Variants in GRM5 observed in about 807,000 individuals in gnomAD.
GRM5 encodes glutamate metabotropic receptor 5.
Under a neutral mutation model 83.1 loss-of-function variants are expected in GRM5, and 19 were observed. That is an observed-to-expected ratio of 0.23 (90% CI 0.16 to 0.34). GRM5 has a LOEUF of 0.34. GRM5 is among the 10% of genes least tolerant of loss of function. The probability of loss-of-function intolerance (pLI) is 1.00; values close to 1 mark genes in which losing one functional copy is unlikely to be tolerated. For synonymous variants in GRM5, 675 were observed against 633.6 expected (o/e 1.07, Z -0.98); for missense variants, 1,160 against 1,588.3 (o/e 0.73, Z 4.58).
At position 88,962,200 on chromosome 11, in the gene GRM5, T is replaced by C. The variant is rs145569229; in HGVS notation, c.661+85012A>G. 1.3e-4 allele frequency among the ~76,000 whole-genome samples: 20 copies of C among 152,318 alleles called. 1 individual carries two copies. Among genetic ancestry groups the C allele is most frequent in the Admixed American group, 9.8e-4 (15 of 15,302 alleles). On this transcript the variant is annotated intron_variant, in intron 2 of 9. Transcript: ENST00000305447. ...CAGTTATATATGTATGTAGGATCCA[T>C]TCGCCATGCACTCACCAATACACTT...
At chr11:88,594,930 T>C (rs373426150) in intron 6 of GRM5, among the ~76,000 whole-genome samples, 4 of 152,212 alleles carry the variant, frequency 2.6e-5, no homozygotes, top group African/African-American at 7.2e-5. Flanking sequence ...CCTTACGGCA[T>C]TGCATACCAA....
At chr11:88,806,905 A>G (rs1347265146) in intron 3 of GRM5, among the ~76,000 whole-genome samples, 1 of 152,208 alleles carries the variant, frequency 6.6e-6, no homozygotes, top group East Asian at 1.9e-4. Flanking sequence ...ACTGTAAGAT[A>G]TTGCTTAAAT....
intron 4 of GRM5, among the ~76,000 whole-genome samples, chr11:88,618,164 T>C (rs1048643349): frequency 2.6e-5 from 4 of 152,126 alleles, no homozygotes; most frequent in African/African-American, 7.2e-5. Flanking sequence ...AGAAGGTAAG[T>C]GGGAACTTAC....
At chr11:88,555,353 ATAG>A (rs1197831190) in intron 8 of GRM5, among the ~76,000 whole-genome samples, 1 of 152,122 alleles carries the variant, frequency 6.6e-6, no homozygotes, top group Non-Finnish European at 1.5e-5. Context: ...ACCCCATAAA[ATAG>A]TAGTACGCAA....
At chr11:88,657,359 C>G (rs1251114131) in intron 3 of GRM5, among the ~76,000 whole-genome samples, 2 of 152,124 alleles carry the variant, frequency 1.3e-5, no homozygotes, top group Non-Finnish European at 2.9e-5. Flanking sequence ...CTTTCTTTGG[C>G]TGTGGAATCA....
chr11:89,036,403 T>C (rs1465217877), intron 2 of GRM5, among the ~76,000 whole-genome samples: 1 of 152,160 alleles, frequency 6.6e-6, no homozygotes, highest in Non-Finnish European at 1.5e-5. Context: ...TTGTCAATTA[T>C]AACTGGGCAA....
intron 2 of GRM5, among the ~76,000 whole-genome samples, chr11:88,924,143 A>AAAAT (rs1555042222): frequency 1.3e-5 from 2 of 151,648 alleles, no homozygotes; most frequent in African/African-American, 4.8e-5. Context: ...TCAAAAAAAA[A>AAAAT]AAATAAGAAA....
At chr11:88,734,524 T>C (rs1272260828) in intron 3 of GRM5, among the ~76,000 whole-genome samples, 1 of 152,078 alleles carries the variant, frequency 6.6e-6, no homozygotes, top group Non-Finnish European at 1.5e-5. Context: ...TTATTCACTA[T>C]AGCCAATTAT....
chr11:88,774,430 A>G (rs1466999600), intron 3 of GRM5, among the ~76,000 whole-genome samples: 1 of 152,196 alleles, frequency 6.6e-6, no homozygotes, highest in Non-Finnish European at 1.5e-5. Flanking sequence ...TCCTAATTGA[A>G]TACCCTTTAT....
intron 2 of GRM5, among the ~76,000 whole-genome samples, chr11:88,999,989 C>CA (rs1323429689): frequency 4.0e-5 from 6 of 151,660 alleles, no homozygotes; most frequent in Non-Finnish European, 8.8e-5. Flanking sequence ...ATCGCAAGGA[C>CA]AAAAAACCAA....
intron 3 of GRM5, among the ~76,000 whole-genome samples, chr11:88,773,721 T>C (rs1942787764): frequency 6.6e-6 from 1 of 152,236 alleles, no homozygotes; most frequent in African/African-American, 2.4e-5. Flanking sequence ...CCTTTCCCCA[T>C]TTCTTGTTTT....
chr11:88,727,703 C>T (rs540912313), intron 3 of GRM5, among the ~76,000 whole-genome samples: 9 of 151,472 alleles, frequency 5.9e-5, no homozygotes, highest in Admixed American at 4.6e-4. Context: ...GACCACAGTG[C>T]ATTAGAACTC....
At chr11:88,514,238 A>G (rs962948195) in intron 9 of GRM5, among the ~76,000 whole-genome samples, 2 of 152,172 alleles carry the variant, frequency 1.3e-5, no homozygotes, top group Non-Finnish European at 2.9e-5. Context: ...TTTATTTCTG[A>G]AAAACAAAAA....
intron 8 of GRM5, among the ~76,000 whole-genome samples, chr11:88,537,347 C>T (rs2135126070): frequency 6.6e-6 from 1 of 152,016 alleles, no homozygotes; most frequent in Admixed American, 6.5e-5. Context: ...AGAAATACAC[C>T]AAAAATCTGA....
chr11:88,738,749 G>T (rs1170591089), intron 3 of GRM5, among the ~76,000 whole-genome samples: 2 of 151,910 alleles, frequency 1.3e-5, no homozygotes, highest in Non-Finnish European at 2.9e-5. Flanking sequence ...GGCTTCTTAC[G>T]GACTACTGAA....
chr11:88,850,449 A>G lies in GRM5; in HGVS notation c.662-294T>C, dbSNP rs193017088. Among the ~76,000 whole-genome samples the G allele has an allele frequency of 2.0e-3, 300 of 152,258 alleles. 4 individuals are homozygous for G. Among genetic ancestry groups the G allele is most frequent in the African/African-American group, 6.8e-3 (284 of 41,560 alleles). ...TGACTCAAAATAGCTCTTATTCTAA[A>G]TATGAGCTGATGGAAATATTTATCT... is the stretch of plus-strand genomic sequence containing the variant. On this transcript the variant is annotated intron_variant, in intron 2 of 9. Coordinates refer to ENST00000305447, the MANE Select transcript of GRM5 (RefSeq NM_001143831.3).
At chr11:88,985,035 G>C (rs1320369043) in intron 2 of GRM5, among the ~76,000 whole-genome samples, 1 of 147,484 alleles carries the variant, frequency 6.8e-6, no homozygotes, top group Non-Finnish European at 1.5e-5. Flanking sequence ...TAAGTCCTTT[G>C]ATACAGGTAC....
At chr11:88,518,099 T>G (rs1222539674) in intron 9 of GRM5, among the ~76,000 whole-genome samples, 1 of 151,956 alleles carries the variant, frequency 6.6e-6, no homozygotes, top group Non-Finnish European at 1.5e-5. Flanking sequence ...GTTACATTTC[T>G]GTATTACATT....
chr11:88,726,377 T>C (rs1941681896), intron 3 of GRM5, among the ~76,000 whole-genome samples: 2 of 152,082 alleles, frequency 1.3e-5, no homozygotes, highest in Non-Finnish European at 2.9e-5. Flanking sequence ...CTCCAAGATA[T>C]ATGGGACTAT....
Sources: allele counts gnomAD v4.1 joint callset (sites outside exome capture counted in the v4.1 genomes callset), GRCh38; gene constraint gnomAD v4.1.1; transcripts MANE v1.5; gene names NCBI Gene and HGNC (gene_info 2026-07-23, HGNC 2026-07-21).